The following KCNN2 variants were observed in gnomAD, a reference collection of about 807,000 sequenced individuals.
KCNN2 encodes the protein potassium calcium-activated channel subfamily N member 2.
A neutral mutation model predicts 55.5 loss-of-function variants in KCNN2; 24 were observed. That is an observed-to-expected ratio of 0.43 (90% CI 0.31 to 0.61). The LOEUF (loss-of-function observed/expected upper bound fraction) is 0.61, where lower values mean the gene tolerates loss of function less well. Among genes scored for constraint, KCNN2 ranks in the 20% least tolerant of loss-of-function variants. The pLI is 0.08. For synonymous variants in KCNN2, 431 were observed against 336.1 expected (o/e 1.28, Z -3.09); for missense variants, 754 against 853.6 (o/e 0.88, Z 1.45).
chr5:114,290,240 T>C (rs1351352183), intron 2 of KCNN2, among the ~76,000 whole-genome samples: 6 of 152,194 alleles, frequency 3.9e-5, no homozygotes, highest in Non-Finnish European at 7.3e-5. Context: ...TGGACTTTTC[T>C]TTATGAGGAT....
chr5:114,293,610 A>T (rs1313152628), intron 2 of KCNN2, among the ~76,000 whole-genome samples: 3 of 152,014 alleles, frequency 2.0e-5, no homozygotes, highest in African/African-American at 7.3e-5. Context: ...TTTATTGAGG[A>T]TTTTTGCATC....
intron 1 of KCNN2, among the ~76,000 whole-genome samples, chr5:114,179,866 A>G (rs944190350): frequency 6.6e-6 from 1 of 152,246 alleles, no homozygotes; most frequent in Middle Eastern, 3.2e-3. Flanking sequence ...CAAAGAATAG[A>G]AAGTATGGAT....
At chr5:114,458,984 T>C (rs1761065013) in intron 3 of KCNN2, among the ~76,000 whole-genome samples, 1 of 152,232 alleles carries the variant, frequency 6.6e-6, no homozygotes, top group African/African-American at 2.4e-5. Flanking sequence ...GCCATCACTC[T>C]CTTGGGGAAG....
At chr5:114,301,375 C>T (rs1027633764) in intron 2 of KCNN2, among the ~76,000 whole-genome samples, 4 of 152,190 alleles carry the variant, frequency 2.6e-5, no homozygotes, top group African/African-American at 7.2e-5. Flanking sequence ...TATTTGATAA[C>T]ATAAATGTCC....
At chr5:114,187,738 C>T (rs960892678) in intron 1 of KCNN2, among the ~76,000 whole-genome samples, 1 of 151,800 alleles carries the variant, frequency 6.6e-6, no homozygotes, top group African/African-American at 2.4e-5. Context: ...AATCTCCTGA[C>T]CTCGAGATCC....
At chr5:114,105,120 T>G (rs537725505) in intron 1 of KCNN2, among the ~76,000 whole-genome samples, 1 of 152,078 alleles carries the variant, frequency 6.6e-6, no homozygotes, top group Non-Finnish European at 1.5e-5. Context: ...TATTCTCTGA[T>G]AAATCCTTAC....
At chr5:114,316,167 G>A (rs558746057) in intron 2 of KCNN2, among the ~76,000 whole-genome samples, 1 of 152,186 alleles carries the variant, frequency 6.6e-6, no homozygotes, top group Admixed American at 6.5e-5. Flanking sequence ...TAAATTGCCA[G>A]GAGCTCTTCT....
At chr5:114,101,610 A>G (rs991409542) in intron 1 of KCNN2, among the ~76,000 whole-genome samples, 5 of 150,902 alleles carry the variant, frequency 3.3e-5, no homozygotes, top group African/African-American at 7.3e-5. Context: ...ACAGGTCCCA[A>G]TGTGTGACGT....
intron 2 of KCNN2, among the ~76,000 whole-genome samples, chr5:114,226,900 C>CAAAAAA (rs34719469): frequency 2.3e-5 from 2 of 86,762 alleles, no homozygotes; most frequent in African/African-American, 4.6e-5. Context: ...GACTCCGTCT[C>CAAAAAA]AAAAAAAAAA....
At chr5:114,072,348 T>G (rs913118047) in intron 1 of KCNN2, among the ~76,000 whole-genome samples, 2 of 152,010 alleles carry the variant, frequency 1.3e-5, no homozygotes, top group African/African-American at 4.8e-5. Flanking sequence ...CACCCTCTTT[T>G]GCCCTTCCAC....
chr5:114,440,542 A>C (rs1177517273), intron 3 of KCNN2, among the ~76,000 whole-genome samples: 1 of 152,122 alleles, frequency 6.6e-6, no homozygotes, highest in Non-Finnish European at 1.5e-5. Context: ...AGGGTCTACA[A>C]ATAACAAAAC....
At chr5:114,291,171 T>A (rs569572705) in intron 2 of KCNN2, among the ~76,000 whole-genome samples, 108 of 149,232 alleles carry the variant, frequency 7.2e-4, no homozygotes, top group Non-Finnish European at 1.1e-3. Flanking sequence ...AATATAGTAA[T>A]ATATGAGCTT....
intron 2 of KCNN2, among the ~76,000 whole-genome samples, chr5:114,340,654 GTGTGTGTGTGTGCA>G (rs934366167): frequency 5.0e-4 from 49 of 98,212 alleles, no homozygotes; most frequent in African/African-American, 1.6e-3. Context: ...CACCATTATG[GTGTGTGTGTGTGCA>G]TGTGTGTGTG....
chr5:114,393,497 TCA>T lies in KCNN2; in HGVS notation c.1219-10940_1219-10939del, dbSNP rs546631122. Among the ~76,000 whole-genome samples, 22 of 152,250 alleles carry T rather than the reference TCA, an allele frequency of 1.4e-4. No individual in the cohort carries two copies. In the South Asian group the frequency reaches 3.3e-3, roughly 23 times the overall value. On this transcript the variant is annotated intron_variant, in intron 2 of 7. Transcript: ENST00000673685. ...GGATGTCTGACAACCTCATTTATTC[TCA>T]TTCTTCCCTCCTCTGTTTTTTAACC...
intron 2 of KCNN2, among the ~76,000 whole-genome samples, chr5:114,324,384 A>G (rs995657135): frequency 3.3e-5 from 5 of 152,226 alleles, no homozygotes; most frequent in African/African-American, 1.2e-4. Flanking sequence ...CACATCCTTA[A>G]AAATAGAGAA....
intron 2 of KCNN2, among the ~76,000 whole-genome samples, chr5:114,311,908 T>C (rs1756397413): frequency 6.6e-6 from 1 of 152,146 alleles, no homozygotes; most frequent in Admixed American, 6.6e-5. Context: ...CCATGAGGCC[T>C]AATAAAATGA....
intron 2 of KCNN2, among the ~76,000 whole-genome samples, chr5:114,348,610 C>T (rs1392576428): frequency 6.6e-6 from 1 of 151,922 alleles, no homozygotes; most frequent in African/African-American, 2.4e-5. Flanking sequence ...AATAAAATGC[C>T]ACACCTTATT....
chr5:114,140,754 G>A (rs1752261114), intron 1 of KCNN2, among the ~76,000 whole-genome samples: 1 of 139,812 alleles, frequency 7.2e-6, no homozygotes, highest in South Asian at 2.3e-4. Context: ...AAACATTACT[G>A]TCATCCTCAT....
chr5:114,170,799 C>A (rs960618031), intron 1 of KCNN2, among the ~76,000 whole-genome samples: 1 of 151,888 alleles, frequency 6.6e-6, no homozygotes, highest in East Asian at 1.9e-4. Context: ...TCTTTCAGTG[C>A]CCTAAACTAC....
Sources: allele counts gnomAD v4.1 joint callset (sites outside exome capture counted in the v4.1 genomes callset), GRCh38; gene constraint gnomAD v4.1.1; transcripts MANE v1.5; gene names NCBI Gene and HGNC (gene_info 2026-07-23, HGNC 2026-07-21).